Variants in GTF2IRD1 observed in about 807,000 individuals in gnomAD.
The protein encoded by GTF2IRD1 is general transcription factor II-I repeat domain-containing protein 1.
In GTF2IRD1, 26 loss-of-function variants were observed where a neutral mutation model predicts 113.2. That is an observed-to-expected ratio of 0.23 (90% confidence interval 0.17 to 0.32). GTF2IRD1 has a LOEUF of 0.32. GTF2IRD1 is among the 10% of genes least tolerant of loss of function. The pLI, the probability that GTF2IRD1 is intolerant of heterozygous loss-of-function variation, is 1.00. For synonymous variants in GTF2IRD1, 484 were observed against 529.1 expected (o/e 0.91, Z 1.17); for missense variants, 864 against 1,280.8 (o/e 0.67, Z 4.97).
At chr7:74,552,940 C>T (rs587699883) in intron 17 of GTF2IRD1, among the ~76,000 whole-genome samples, 2 of 152,256 alleles carry the variant, frequency 1.3e-5, no homozygotes, top group African/African-American at 2.4e-5. Context: ...CGGGTTCCAG[C>T]GATTCCCCGG....
chr7:74,515,648 G>A (rs368176158), intron 4 of GTF2IRD1, 52 bp downstream of exon 4: 21 of 1,546,790 alleles, frequency 1.4e-5, no homozygotes, highest in South Asian at 4.8e-5. Context: ...TGGGAGCCTC[G>A]GTCCCCACCC....
At chr7:74,485,568 G>A in intron 1 of GTF2IRD1, among the ~76,000 whole-genome samples, 1 of 151,490 alleles carries the variant, frequency 6.6e-6, no homozygotes, top group Non-Finnish European at 1.5e-5. Context: ...AGTGAGCCGA[G>A]ATAGTGCCAC....
At chr7:74,597,906 T>C (rs1802521294) in intron 25 of GTF2IRD1, among the ~76,000 whole-genome samples, 1 of 152,086 alleles carries the variant, frequency 6.6e-6, no homozygotes, top group Admixed American at 6.6e-5. Flanking sequence ...CGCCACAACC[T>C]TACCTGAGAC....
intron 1 of GTF2IRD1, among the ~76,000 whole-genome samples, chr7:74,455,322 G>T (rs1792896300): frequency 1.3e-5 from 2 of 152,230 alleles, no homozygotes; most frequent in African/African-American, 4.8e-5. Flanking sequence ...GTGGGCATTT[G>T]CTGGGGTTTC....
Position 74,562,241 on chromosome 7 carries a change from G to A in GTF2IRD1, c.2320+2586G>A, listed in dbSNP as rs183994513. Among the ~76,000 whole-genome samples the A allele has an allele frequency of 6.6e-5, 10 of 152,314 alleles. No homozygotes were observed. In the East Asian group the frequency reaches 1.9e-3, roughly 29 times the overall value. ...GCTGGGGTCTGCTGGGGGAGGCAGG[G>A]GAAATAGCAGACCCCTTCATCTGGA... On this transcript the variant is annotated intron_variant, in intron 22 of 26. Transcript: ENST00000424337.
chr7:74,539,463 A>T (rs1471159483), intron 13 of GTF2IRD1, among the ~76,000 whole-genome samples: 1 of 151,218 alleles, frequency 6.6e-6, no homozygotes, highest in South Asian at 2.1e-4. Context: ...AAAAGAAATG[A>T]CTGGGCGCAG....
At chr7:74,549,302 CA>C (rs71813162) in intron 17 of GTF2IRD1, among the ~76,000 whole-genome samples, 34,656 of 107,858 alleles carry the variant, frequency 0.32, 5,565 homozygotes, top group African/African-American at 0.56. Context: ...GACTCTGTCT[CA>C]AAAAAAAAAA....
chr7:74,582,842 T>TA (rs1476547451), intron 22 of GTF2IRD1, among the ~76,000 whole-genome samples: 7 of 151,630 alleles, frequency 4.6e-5, no homozygotes, highest in South Asian at 2.1e-4. Flanking sequence ...ACTCACGATT[T>TA]AAAAAAATGT....
Position 74,589,288 on chromosome 7 carries a change from G to A in GTF2IRD1, c.2321-563G>A, listed in dbSNP as rs1801911828. Among the ~76,000 whole-genome samples the A allele has an allele frequency of 2.0e-5, 3 of 152,042 alleles. No individual in the cohort carries two copies. In the South Asian group the frequency reaches 6.2e-4, roughly 32 times the overall value. ...GGAGGATCACTTGAGCCTGGGAGTT[G>A]GAGGCTGCCGTGAGCTATCTATGAT... On this transcript the variant is annotated intron_variant, in intron 22 of 26. Coordinates refer to ENST00000424337, the MANE Select transcript of GTF2IRD1 (RefSeq NM_005685.4).
chr7:74,597,362 TTCAAGACAGAGTCTCACTCTGTCAC>T (rs1355455745), intron 25 of GTF2IRD1, among the ~76,000 whole-genome samples: 73 of 145,832 alleles, frequency 5.0e-4, no homozygotes, highest in Middle Eastern at 3.7e-3. Context: ...TTTTTTTTCT[TTCAAGACAGAGTCTCACTCTGTCAC>T]TCAGGCTGGA....
intron 22 of GTF2IRD1, among the ~76,000 whole-genome samples, chr7:74,578,602 T>G (rs587758672): frequency 0.011 from 1,710 of 152,340 alleles, 35 homozygotes; most frequent in African/African-American, 0.038. Flanking sequence ...CATGGCTCTA[T>G]AATCTTCCAT....
intron 1 of GTF2IRD1, chr7:74,507,271 C>G (rs1554341339): frequency 1.3e-5 from 2 of 152,064 alleles, no homozygotes; most frequent in African/African-American, 4.8e-5. Context: ...GCCAGGAGTT[C>G]AAGACCAGCC....
chr7:74,519,446 G>A lies in GTF2IRD1; in HGVS notation c.643G>A (p.Val215Met). The A allele has an allele frequency of 6.4e-7, 1 of 1,561,880 alleles. No individual in the cohort carries two copies. The highest frequency in any genetic ancestry group is 8.7e-7 in the Non-Finnish European group (1 of 1,154,754). ...TGGCGGGCGGGACTCGAAGGCCCTG[G>A]TGGAGCTGAACGGTGTCTCCCTGAT... Reference protein sequence around the residue: ...EDGGRDSKALVELNGVSLIPK... With the variant: ...EDGGRDSKALMELNGVSLIPK... The change falls in exon 6 of 27, where the codon GTG becomes ATG. Residue 215 changes from valine (V) to methionine (M), a missense_variant. By Grantham distance (21) the Val-to-Met change is conservative. Around this residue, in one of 7 missense-constraint regions of GTF2IRD1, gnomAD observed 195 missense variants for 196.6 expected, o/e 0.99. Coordinates refer to ENST00000424337, the MANE Select transcript of GTF2IRD1 (RefSeq NM_005685.4).
chr7:74,596,828 C>T (rs1802445563), intron 25 of GTF2IRD1, among the ~76,000 whole-genome samples: 1 of 152,054 alleles, frequency 6.6e-6, no homozygotes, highest in Non-Finnish European at 1.5e-5. Flanking sequence ...TAACCAGGCC[C>T]GACCCTGCTT....
intron 25 of GTF2IRD1, among the ~76,000 whole-genome samples, chr7:74,595,267 G>A (rs1248614557): frequency 3.3e-5 from 5 of 151,654 alleles, no homozygotes; most frequent in Non-Finnish European, 7.4e-5. Context: ...TTAGCTGGGC[G>A]TGGTCGTGGG....
intron 9 of GTF2IRD1, among the ~76,000 whole-genome samples, chr7:74,533,165 C>CA (rs1798074351): frequency 6.9e-6 from 1 of 144,380 alleles, no homozygotes; most frequent in Admixed American, 7.0e-5. Flanking sequence ...GATGGAGTCT[C>CA]ACTCTATTGC....
At chr7:74,478,850 A>T (rs545952139) in intron 1 of GTF2IRD1, among the ~76,000 whole-genome samples, 2 of 149,364 alleles carry the variant, frequency 1.3e-5, no homozygotes, top group East Asian at 3.9e-4. Flanking sequence ...GGCCCAAGCA[A>T]CCCTCCCACC....
At chr7:74,557,405 T>C (rs1304626825) in intron 19 of GTF2IRD1, among the ~76,000 whole-genome samples, 2 of 152,188 alleles carry the variant, frequency 1.3e-5, no homozygotes, top group Non-Finnish European at 2.9e-5. Flanking sequence ...TTTTCAAATG[T>C]CATCAATTAA....
At chr7:74,459,570 C>T (rs971057878) in intron 1 of GTF2IRD1, among the ~76,000 whole-genome samples, 12 of 152,140 alleles carry the variant, frequency 7.9e-5, no homozygotes, top group Non-Finnish European at 1.6e-4. Flanking sequence ...AGAACTCTCT[C>T]GCCCCTGAGC....
Sources: gnomAD v4.1 joint callset for allele counts (sites outside exome capture counted in the v4.1 genomes callset) on GRCh38, gnomAD v4.1.1 for gene constraint, gnomAD v4.1.1 regional missense constraint, MANE v1.5 for transcripts, NCBI Gene and HGNC (gene_info 2026-07-23, HGNC 2026-07-21) for gene names.